Variants in KATNBL1 observed in about 807,000 individuals in gnomAD.
The protein encoded by KATNBL1 is katanin regulatory subunit B1 like 1.
In KATNBL1, 28 loss-of-function variants were observed where a neutral mutation model predicts 44.7. The observed-to-expected ratio is 0.63, with a 90% CI of 0.46 to 0.86. The LOEUF (loss-of-function observed/expected upper bound fraction) is 0.86, where lower values mean the gene tolerates loss of function less well. KATNBL1 is among the 40% of genes least tolerant of loss of function. KATNBL1 has a pLI of 0.00. For synonymous variants in KATNBL1, 78 were observed against 114.9 expected (o/e 0.68, Z 2.06); for missense variants, 272 against 350.7 (o/e 0.78, Z 1.79).
At chr15:34,182,370 T>C (rs1889592781) in intron 1 of KATNBL1, among the ~76,000 whole-genome samples, 2 of 152,140 alleles carry the variant, frequency 1.3e-5, no homozygotes. Context: ...TTATAAGAAA[T>C]ATAAACATAT....
chr15:34,207,447 A>T (rs1203896518), intron 1 of KATNBL1, among the ~76,000 whole-genome samples: 1 of 152,064 alleles, frequency 6.6e-6, no homozygotes, highest in Non-Finnish European at 1.5e-5. Context: ...TGACCTTGTG[A>T]TCCACCTGCC....
At chr15:34,151,469 T>TTTTTG in intron 4 of KATNBL1, among the ~76,000 whole-genome samples, 1 of 80,234 alleles carries the variant, frequency 1.2e-5, no homozygotes, top group Admixed American at 1.7e-4. Flanking sequence ...TTTTTTTTTT[T>TTTTTG]GAGACAGAAT....
intron 4 of KATNBL1, among the ~76,000 whole-genome samples, chr15:34,151,984 AG>A (rs1888493876): frequency 7.0e-6 from 1 of 143,812 alleles, no homozygotes; most frequent in Non-Finnish European, 1.5e-5. Flanking sequence ...TCTCTTGCCC[AG>A]GCTGGAGTGC....
At chr15:34,199,086 T>G (rs772569455) in intron 1 of KATNBL1, among the ~76,000 whole-genome samples, 4 of 152,158 alleles carry the variant, frequency 2.6e-5, no homozygotes, top group Admixed American at 6.5e-5. Context: ...AGCAAAAGGG[T>G]ACCCCATCAG....
intron 1 of KATNBL1, chr15:34,209,186 C>T (rs1473831295): frequency 2.0e-5 from 3 of 152,160 alleles, no homozygotes; most frequent in Non-Finnish European, 4.4e-5. Flanking sequence ...CTCCAAAAAA[C>T]CCAGCAGATT....
At chr15:34,178,546 AG>A (rs777628814) in intron 1 of KATNBL1, among the ~76,000 whole-genome samples, 40 of 152,144 alleles carry the variant, frequency 2.6e-4, no homozygotes, top group Admixed American at 7.2e-4. Context: ...TCACGAGGTC[AG>A]GAGATCGAGA....
intron 1 of KATNBL1, among the ~76,000 whole-genome samples, chr15:34,206,932 C>CA (rs1296094690): frequency 2.6e-5 from 4 of 151,988 alleles, no homozygotes; most frequent in Admixed American, 2.6e-4. Flanking sequence ...TTCCAGAAAG[C>CA]ACCAAATTAA....
At chr15:34,172,548 C>T (rs905971028) in intron 1 of KATNBL1, among the ~76,000 whole-genome samples, 1 of 152,130 alleles carries the variant, frequency 6.6e-6, no homozygotes, top group Non-Finnish European at 1.5e-5. Context: ...TAAGCCACTG[C>T]ACCCAGCCTA....
At chr15:34,188,136 G>GCAAAAAAAA (rs1394136257) in intron 1 of KATNBL1, among the ~76,000 whole-genome samples, 5 of 6,576 alleles carry the variant, frequency 7.6e-4, no homozygotes, top group Admixed American at 3.8e-3. Flanking sequence ...AAGACGCCAT[G>GCAAAAAAAA]TAAAAAAAAA....
At chr15:34,208,149 G>C (rs1890342193) in intron 1 of KATNBL1, among the ~76,000 whole-genome samples, 1 of 152,002 alleles carries the variant, frequency 6.6e-6, no homozygotes, top group Non-Finnish European at 1.5e-5. Context: ...TTGGTTACAT[G>C]AATCAGTTCT....
intron 1 of KATNBL1, among the ~76,000 whole-genome samples, chr15:34,205,851 T>C (rs1005386169): frequency 6.6e-6 from 1 of 152,216 alleles, no homozygotes; most frequent in Non-Finnish European, 1.5e-5. Flanking sequence ...GAAGCTTATA[T>C]TCTACTGGCC....
chr15:34,198,772 G>A (rs780373140), intron 1 of KATNBL1, among the ~76,000 whole-genome samples: 3 of 152,174 alleles, frequency 2.0e-5, no homozygotes, highest in Non-Finnish European at 2.9e-5. Flanking sequence ...GTCAAGAACT[G>A]GGAAGAGGGA....
chr15:34,206,515 G>C (rs2141010831), intron 1 of KATNBL1, among the ~76,000 whole-genome samples: 1 of 152,302 alleles, frequency 6.6e-6, no homozygotes, highest in Admixed American at 6.5e-5. Context: ...AATTACGCCG[G>C]GCATGGTGGC....
At position 34,153,084 on chromosome 15, in the gene KATNBL1, T is replaced by A; in HGVS notation, c.159-15A>T. The A allele has an allele frequency of 1.3e-6, 2 of 1,559,982 alleles. No homozygotes were observed. Among genetic ancestry groups the A allele is most frequent in the South Asian group, 2.4e-5 (2 of 83,028 alleles). On this transcript the variant is annotated splice_polypyrimidine_tract_variant and intron_variant, in intron 3 of 9. Transcript: ENST00000256544. ...GTCCAACTGTTCTGTAAAAAGAATT[T>A]ATTTTCTTAAATGAAAAAGAACCAT...
chr15:34,170,795 C>T (rs1327369298), intron 1 of KATNBL1, among the ~76,000 whole-genome samples: 2 of 152,204 alleles, frequency 1.3e-5, no homozygotes, highest in Admixed American at 6.5e-5. Context: ...ACATCTACAA[C>T]CATCTGATCT....
chr15:34,170,708 G>A (rs112711554), intron 1 of KATNBL1, among the ~76,000 whole-genome samples: 1 of 151,942 alleles, frequency 6.6e-6, no homozygotes, highest in South Asian at 2.1e-4. Flanking sequence ...CTACAGTAAC[G>A]AAAACAGCAT....
intron 1 of KATNBL1, among the ~76,000 whole-genome samples, chr15:34,167,288 C>A (rs867102232): frequency 6.6e-6 from 1 of 152,110 alleles, no homozygotes; most frequent in Non-Finnish European, 1.5e-5. Context: ...AGTACGAGAA[C>A]TTCATAAAGC....
chr15:34,143,189 T>C (rs1328683117), intron 9 of KATNBL1, among the ~76,000 whole-genome samples: 3 of 151,764 alleles, frequency 2.0e-5, no homozygotes, highest in African/African-American at 4.8e-5. Context: ...AAAAAACTGA[T>C]TGTGGCCGGG....
chr15:34,158,685 TTTCTTGGCTCTGC>T (rs1424034597), intron 2 of KATNBL1, among the ~76,000 whole-genome samples: 1 of 152,218 alleles, frequency 6.6e-6, no homozygotes, highest in Non-Finnish European at 1.5e-5. Flanking sequence ...TAAATAGTCC[TTTCTTGGCTCTGC>T]AGATGCTTTA....
Sources: allele counts gnomAD v4.1 joint callset (sites outside exome capture counted in the v4.1 genomes callset), GRCh38; gene constraint gnomAD v4.1.1; transcripts MANE v1.5; gene names NCBI Gene and HGNC (gene_info 2026-07-23, HGNC 2026-07-21).